The following CDH22 variants were observed in gnomAD, a reference collection of about 807,000 sequenced individuals.
CDH22 encodes the protein cadherin 22.
CDH22 carries 30 observed loss-of-function variants against 58.4 expected under a neutral mutation model. That is an observed-to-expected ratio of 0.51 (90% CI 0.38 to 0.70). The LOEUF (loss-of-function observed/expected upper bound fraction) is 0.70, where lower values mean the gene tolerates loss of function less well. Among genes scored for constraint, CDH22 ranks in the 30% least tolerant of loss-of-function variants. The pLI is 0.00. For missense variants in CDH22, 1,014 were observed against 1,233.9 expected (o/e 0.82, Z 2.67); for synonymous variants, 513 against 558.2 (o/e 0.92, Z 1.14).
rs1048655838 is a variant in CDH22, at chr20:46,210,115, T to C, written c.1286+192A>G. ...CTGTCTCATTGACTGTTCTCACATC[T>C]GCTTCCTTGGCTCTTTGGCTCCGTG... On this transcript the variant is annotated intron_variant, in intron 7 of 11. Transcript: ENST00000537909. The surrounding 1 kb of genome is among the most constrained non-coding windows in gnomAD (Gnocchi z 4.5). The C allele has an allele frequency of 3.9e-6, 2 of 515,358 alleles. No individual in the cohort carries two copies. The highest frequency in any genetic ancestry group is 6.5e-6 in the Non-Finnish European group (2 of 309,068). 31.9% of individuals were successfully genotyped at this position (515,358 alleles called of 1,614,324 possible). A position where few individuals can be genotyped will look rare whatever the true frequency, so the allele number is the denominator to read the frequency against.
chr20:46,289,066 C>T (rs1047030501), intron 1 of CDH22, among the ~76,000 whole-genome samples: 4 of 152,138 alleles, frequency 2.6e-5, no homozygotes, highest in African/African-American at 7.2e-5. Flanking sequence ...TCCTACTCCC[C>T]TCTCCCTCTA....
chr20:46,195,206 T>C (rs1403097239), intron 8 of CDH22, among the ~76,000 whole-genome samples: 1 of 152,206 alleles, frequency 6.6e-6, no homozygotes, highest in Non-Finnish European at 1.5e-5. Context: ...CATTCCTGTT[T>C]TTCCAACTGG....
chr20:46,224,161 T>C (rs1600704428), intron 4 of CDH22, among the ~76,000 whole-genome samples: 2 of 152,350 alleles, frequency 1.3e-5, no homozygotes, highest in African/African-American at 4.8e-5. Context: ...CTGTGAAGTC[T>C]TAATCTAAGT....
chr20:46,227,523 C>T lies in CDH22; in HGVS notation c.655G>A (p.Val219Met), dbSNP rs1392987280. The stretch of plus-strand genomic sequence containing the variant: ...TGCCCCTCACCGGTCTTGGGGTCCA[C>T]GGTGAAGTGGTGCTCGCCGTCCAGC... Reference protein sequence around the residue: ...SVLDGEHHFTVDPKTGVIRTA... With the variant: ...SVLDGEHHFTMDPKTGVIRTA... Residue 219 changes from valine (V) to methionine (M), a missense_variant, in exon 4 of 12, where the codon GTG becomes ATG. Physicochemically the swap from Val to Met is conservative, Grantham distance 21. This residue lies in a region of CDH22 where 806 missense variants were observed against 1,038.7 expected (regional missense o/e 0.78). Coordinates refer to ENST00000537909, the MANE Select transcript of CDH22 (RefSeq NM_021248.3). 1.2e-6 allele frequency: 2 copies of T among 1,606,780 alleles called. No individual in the cohort carries two copies. The highest frequency in any genetic ancestry group is 1.7e-6 in the Non-Finnish European group (2 of 1,178,160).
rs1196125074 is a variant in CDH22, at chr20:46,174,305, CGCACCTCTGGG to C, written c.*190_*200del. The C allele has an allele frequency of 1.9e-6, 1 of 514,300 alleles. No individual in the cohort carries two copies. The highest frequency in any genetic ancestry group is 3.5e-5 in the East Asian group (1 of 28,618). The allele number at this position is 514,300 out of a possible 1,614,324, so 31.9% of individuals were successfully genotyped here. On this transcript the variant is annotated 3_prime_UTR_variant, in exon 12 of 12. Transcript: ENST00000537909. This position sits in a 1 kb window ranked among gnomAD's most constrained non-coding sequence, Gnocchi z 4.4. ...GTTTTAATGCCGTTGGTCAGAATCC[CGCACCTCTGGG>C]CTCCAAAGCTGCACCCCTAGAGGAG...
chr20:46,243,843 A>G (rs147251186), intron 2 of CDH22, among the ~76,000 whole-genome samples: 38 of 152,338 alleles, frequency 2.5e-4, no homozygotes, highest in African/African-American at 8.9e-4. Flanking sequence ...AGTCTTCATC[A>G]TTGCCCTGTG....
At chr20:46,183,983 G>C (rs985075847) in intron 10 of CDH22, among the ~76,000 whole-genome samples, 1 of 152,058 alleles carries the variant, frequency 6.6e-6, no homozygotes, top group Admixed American at 6.6e-5. Flanking sequence ...CTTCCACTGG[G>C]GTGGTCGTTT....
At chr20:46,224,900 G>A (rs1473428295) in intron 4 of CDH22, among the ~76,000 whole-genome samples, 1 of 152,256 alleles carries the variant, frequency 6.6e-6, no homozygotes, top group Non-Finnish European at 1.5e-5. Context: ...TGACTGTCAA[G>A]AAAGGGCGCA....
At chr20:46,176,426 C>G (rs2085739874) in intron 11 of CDH22, among the ~76,000 whole-genome samples, 1 of 152,190 alleles carries the variant, frequency 6.6e-6, no homozygotes, top group African/African-American at 2.4e-5. Context: ...TGTTAGGAAC[C>G]CCGACTTTTC....
At chr20:46,239,657 G>A (rs2086276696) in intron 3 of CDH22, among the ~76,000 whole-genome samples, 1 of 152,238 alleles carries the variant, frequency 6.6e-6, no homozygotes. Flanking sequence ...TGGCCACAGC[G>A]AGTCAGCAAT....
rs1424706589 is a variant in CDH22 at position 46,174,956 on chromosome 20, G to A, written c.2037C>T (p.Asp679=). The A allele has an allele frequency of 6.2e-7, 1 of 1,602,016 alleles. No homozygotes were observed. Among genetic ancestry groups the A allele is most frequent in the Admixed American group, 1.7e-5 (1 of 59,838 alleles). ...KYNDEGGGEQ[D]TEAYDMSALR... ...GCGCCGACATGTCGTAGGCTTCGGT[G>A]TCCTGCTCGCCGCCGCCTTCGTCGT... is the stretch of plus-strand genomic sequence containing the variant. Residue 679 remains aspartate, a synonymous_variant, in exon 12 of 12, where the codon GAC becomes GAT. Transcript: ENST00000537909. This position sits in a 1 kb window ranked among gnomAD's most constrained non-coding sequence, Gnocchi z 4.4.
At chr20:46,183,013 C>T (rs550288667) in intron 10 of CDH22, among the ~76,000 whole-genome samples, 2 of 149,624 alleles carry the variant, frequency 1.3e-5, no homozygotes, top group Non-Finnish European at 1.5e-5. Flanking sequence ...CTCTGGTGCC[C>T]CCCCCTCTCC....
chr20:46,244,594 TATTTTC>T lies in CDH22; in HGVS notation c.256-3343_256-3338del, dbSNP rs1457317183. On this transcript the variant is annotated intron_variant, in intron 2 of 11. Transcript: ENST00000537909. ...TTTGTGGGGTTTGTAAATGTATCCC[TATTTTC>T]CAGGTGAAGAGACTGAGATGGCCCC... is the stretch of plus-strand genomic sequence containing the variant. Among the ~76,000 whole-genome samples, 25 of 152,232 alleles carry T rather than the reference TATTTTC, an allele frequency of 1.6e-4. 1 individual carries two copies. Among genetic ancestry groups the T allele is most frequent in the Admixed American group, 1.6e-3 (25 of 15,280 alleles).
intron 1 of CDH22, among the ~76,000 whole-genome samples, chr20:46,285,159 G>A (rs767888368): frequency 5.3e-5 from 8 of 152,216 alleles, no homozygotes; most frequent in African/African-American, 1.2e-4. Flanking sequence ...GTGACCATCC[G>A]GTCTGTGGAC....
chr20:46,253,725 C>T (rs898627725), intron 1 of CDH22, among the ~76,000 whole-genome samples: 1 of 152,170 alleles, frequency 6.6e-6, no homozygotes, highest in African/African-American at 2.4e-5. Flanking sequence ...TATGGCTTCC[C>T]TGCGTGCCCC....
intron 10 of CDH22, among the ~76,000 whole-genome samples, chr20:46,179,339 G>A (rs144245569): frequency 3.7e-4 from 56 of 152,298 alleles, no homozygotes; most frequent in African/African-American, 1.3e-3. Flanking sequence ...GAGATCTGTT[G>A]GCAGCCTGGG....
rs1249890126 is a variant in CDH22 at position 46,308,416 on chromosome 20, C to T, written c.-561G>A. 4.7e-6 allele frequency: 1 copy of T among 212,486 alleles called. No homozygotes were observed. The highest frequency in any genetic ancestry group is 9.5e-6 in the Non-Finnish European group (1 of 105,286). 13.2% of individuals were successfully genotyped at this position (212,486 alleles called of 1,614,324 possible). ...AGGGGGAGCCGCGGCGGCGTGTGCGCGCGTGTGTGTGAGCGAGAGAGCGAG... is the reference window on the plus strand; with the variant it reads ...AGGGGGAGCCGCGGCGGCGTGTGCGTGCGTGTGTGTGAGCGAGAGAGCGAG... On this transcript the variant is annotated 5_prime_UTR_variant, in exon 1 of 12. Transcript: ENST00000537909. The surrounding 1 kb of genome is among the most constrained non-coding windows in gnomAD (Gnocchi z 4.3).
At chr20:46,278,986 T>TG (rs1265127001) in intron 1 of CDH22, among the ~76,000 whole-genome samples, 4 of 152,066 alleles carry the variant, frequency 2.6e-5, no homozygotes, top group Non-Finnish European at 5.9e-5. Flanking sequence ...GACCACTGCT[T>TG]GGGGGAGGGG....
Position 46,241,892 on chromosome 20 carries a change from G to A in CDH22, c.256-635C>T, listed in dbSNP as rs994080712. Among the ~76,000 whole-genome samples, 1 of 152,172 alleles carries A rather than the reference G, an allele frequency of 6.6e-6. No individual in the cohort carries two copies. Among genetic ancestry groups the A allele is most frequent in the South Asian group, 2.1e-4 (1 of 4,828 alleles). ...CAGATTCTGACTCAGTAGGTCTGGG[G>A]CCAGGCCTCAGACTTTGCATTTCTA... On this transcript the variant is annotated intron_variant, in intron 2 of 11. Transcript: ENST00000537909. This position sits in a 1 kb window ranked among gnomAD's most constrained non-coding sequence, Gnocchi z 5.2.
Sources: allele counts gnomAD v4.1 joint callset (sites outside exome capture counted in the v4.1 genomes callset), GRCh38; gene constraint gnomAD v4.1.1; regional missense constraint gnomAD v4.1.1; non-coding constraint Gnocchi (gnomAD v3.1); transcripts MANE v1.5; gene names NCBI Gene and HGNC (gene_info 2026-07-23, HGNC 2026-07-21).